CUX2: variants seen among roughly 807,000 people sequenced by gnomAD.
CUX2 encodes cut like homeobox 2.
A neutral mutation model predicts 144.8 loss-of-function variants in CUX2; 40 were observed. The observed-to-expected ratio is 0.28, with a 90% CI of 0.21 to 0.36. The LOEUF (loss-of-function observed/expected upper bound fraction) is 0.36. Ranked by LOEUF, CUX2 falls within the 10% of genes least tolerant of loss-of-function variation. The probability of loss-of-function intolerance (pLI) is 1.00; values close to 1 mark genes in which losing one functional copy is unlikely to be tolerated. For missense variants in CUX2, 1,615 were observed against 1,994.0 expected, an observed-to-expected ratio of 0.81 and a Z score of 3.62; for synonymous variants, 827 against 875.6, an observed-to-expected ratio of 0.94 and a Z score of 0.98.
intron 1 of CUX2, among the ~76,000 whole-genome samples, chr12:111,157,290 T>C (rs939255835): frequency 6.7e-6 from 1 of 149,572 alleles, no homozygotes; most frequent in Non-Finnish European, 1.5e-5. Flanking sequence ...TCTATAAACA[T>C]TTTGGAGCAC....
intron 21 of CUX2, 85 bp from the exon 22 acceptor site, chr12:111,347,439 G>A: frequency 1.5e-6 from 2 of 1,329,624 alleles, no homozygotes; most frequent in Non-Finnish European, 2.0e-6. Flanking sequence ...GCAGTGGGTG[G>A]GACCAAAATG....
intron 1 of CUX2, among the ~76,000 whole-genome samples, chr12:111,182,212 G>A (rs1400375110): frequency 2.0e-5 from 3 of 152,148 alleles, no homozygotes; most frequent in Non-Finnish European, 2.9e-5. Flanking sequence ...CTAGAGACAT[G>A]CCCCCATCCT....
At position 111,320,606 on chromosome 12, in the gene CUX2, C is replaced by T. The variant is rs562432690; in HGVS notation, c.2597C>T (p.Pro866Leu). The change falls in exon 17 of 22, where the codon CCC (proline) becomes CTC (leucine). Residue 866 changes from proline (P) to leucine (L), a missense_variant. Coordinates refer to ENST00000261726, the MANE Select transcript of CUX2 (RefSeq NM_015267.4). This position sits in a 1 kb window ranked among gnomAD's most constrained non-coding sequence, Gnocchi z 8.1. ...GATAEAGARL[P>L]YYPAYVPRTL... ...ACGGCCGAGGCGGGCGCGCGGCTGC[C>T]CTACTACCCGGCCTACGTGCCGCGC... 1.7e-5 allele frequency: 26 copies of T among 1,561,792 alleles called. No individual in the cohort carries two copies. The African/African-American group carries it at 2.8e-4, about 17-fold the overall frequency.
intron 1 of CUX2, among the ~76,000 whole-genome samples, chr12:111,092,216 T>G (rs927896589): frequency 6.6e-6 from 1 of 152,124 alleles, no homozygotes; most frequent in African/African-American, 2.4e-5. Flanking sequence ...AGAGAGAGGG[T>G]GTGCGAATGT....
At chr12:111,169,107 A>G (rs946078962) in intron 1 of CUX2, among the ~76,000 whole-genome samples, 1 of 152,206 alleles carries the variant, frequency 6.6e-6, no homozygotes, top group African/African-American at 2.4e-5. Context: ...AGGCCATACT[A>G]GAGTAGGGTG....
At chr12:111,285,237 G>T (rs538752683) in intron 4 of CUX2, among the ~76,000 whole-genome samples, 1 of 152,166 alleles carries the variant, frequency 6.6e-6, no homozygotes, top group Non-Finnish European at 1.5e-5. Context: ...TATCAGGCAC[G>T]AAAGGAATTT....
chr12:111,322,947 C>A lies in CUX2; in HGVS notation c.2926+367C>A, dbSNP rs1417951451. Among the ~76,000 whole-genome samples the A allele has an allele frequency of 2.0e-5, 3 of 152,214 alleles. No homozygotes were observed. The highest frequency in any genetic ancestry group is 4.4e-5 in the Non-Finnish European group (3 of 68,048). ...TCAGCTCTGTTTCCTGAAGACCTAG[C>A]GTGCAGCCTCAGACTCCTTCTTAGC... On this transcript the variant is annotated intron_variant, in intron 18 of 21. Transcript: ENST00000261726. The surrounding 1 kb of genome is among the most constrained non-coding windows in gnomAD (Gnocchi z 4.2).
At chr12:111,297,708 T>C (rs1481955372) in intron 8 of CUX2, among the ~76,000 whole-genome samples, 1 of 152,210 alleles carries the variant, frequency 6.6e-6, no homozygotes, top group Non-Finnish European at 1.5e-5. Flanking sequence ...TCTGGGTCCT[T>C]GGAGGAAACA....
intron 1 of CUX2, among the ~76,000 whole-genome samples, chr12:111,121,201 T>C (rs1874641983): frequency 2.0e-5 from 3 of 151,642 alleles, no homozygotes; most frequent in Non-Finnish European, 2.9e-5. Context: ...ATTAATAATA[T>C]AGTCCTCGCT....
chr12:111,309,984 T>C, intron 14 of CUX2, 57 bp from the exon 15 acceptor site: 1 of 1,264,466 alleles, frequency 7.9e-7, no homozygotes, highest in Non-Finnish European at 1.0e-6. Context: ...TGTCTCTCTC[T>C]CCCCTCATCA....
rs150094837 is a variant in CUX2 at position 111,100,292 on chromosome 12, C to T, written c.63+66052C>T. On this transcript the variant is annotated intron_variant, in intron 1 of 21. Coordinates refer to ENST00000261726, the MANE Select transcript of CUX2 (RefSeq NM_015267.4). ...GTGTCCAGCTCGATGTATGCGTGGC[C>T]TGTGTGGCTCTCCGTGTGTCTTTCT... Among the ~76,000 whole-genome samples the T allele has an allele frequency of 2.0e-5, 3 of 152,116 alleles. No individual in the cohort carries two copies. The East Asian group carries it at 5.8e-4, about 29-fold the overall frequency.
At chr12:111,317,088 G>C (rs975175811) in intron 16 of CUX2, among the ~76,000 whole-genome samples, 2 of 152,150 alleles carry the variant, frequency 1.3e-5, no homozygotes, top group Admixed American at 1.3e-4. Flanking sequence ...ACAAAATAAT[G>C]TTCCATTGCT....
At chr12:111,051,215 A>G (rs1355691731) in intron 1 of CUX2, among the ~76,000 whole-genome samples, 3 of 152,192 alleles carry the variant, frequency 2.0e-5, no homozygotes, top group Admixed American at 2.0e-4. Context: ...CTAACCTTCC[A>G]TGCTCAGCAT....
intron 3 of CUX2, among the ~76,000 whole-genome samples, chr12:111,248,923 C>T (rs1883413925): frequency 6.6e-6 from 1 of 152,226 alleles, no homozygotes; most frequent in Non-Finnish European, 1.5e-5. Context: ...AATTTACATA[C>T]AGTAAAATGC....
chr12:111,051,511 G>C (rs77923033), intron 1 of CUX2, among the ~76,000 whole-genome samples: 2,118 of 147,510 alleles, frequency 0.014, 50 homozygotes, highest in African/African-American at 0.049. Context: ...TTTTTGTTTT[G>C]TTTTAGAGTC....
intron 1 of CUX2, among the ~76,000 whole-genome samples, chr12:111,069,107 A>T (rs1340917218): frequency 6.6e-6 from 1 of 152,176 alleles, no homozygotes; most frequent in Non-Finnish European, 1.5e-5. Flanking sequence ...TCGGTCTAAA[A>T]GAAAGAAAAA....
At chr12:111,082,723 G>A (rs1191267095) in intron 1 of CUX2, among the ~76,000 whole-genome samples, 1 of 152,190 alleles carries the variant, frequency 6.6e-6, no homozygotes, top group Non-Finnish European at 1.5e-5. Flanking sequence ...GGAGGTGGAG[G>A]AGGCAGGTGC....
At position 111,338,291 on chromosome 12, in the gene CUX2, C is replaced by A. The variant is rs776634251; in HGVS notation, c.3202C>A (p.Arg1068=). 1.1e-5 allele frequency: 17 copies of A among 1,606,954 alleles called. No homozygotes were observed. The highest frequency in any genetic ancestry group is 1.4e-5 in the Non-Finnish European group (16 of 1,176,298). ...CTCCCCTCCCCTATCCCCAGGGCAG[C>A]GGCTGTTTGGGGAAAGCATCCTGGG... ...EVLTDNNLGQ[R]LFGESILGLT... Residue 1068 remains arginine, a synonymous_variant, in exon 20 of 22, where the codon CGG becomes AGG. Coordinates refer to ENST00000261726, the MANE Select transcript of CUX2 (RefSeq NM_015267.4).
rs1869357574 is a variant in CUX2, at chr12:111,035,015, C to A, written c.63+775C>A. Among the ~76,000 whole-genome samples the A allele has an allele frequency of 6.6e-6, 1 of 152,048 alleles. No homozygotes were observed. The highest frequency in any genetic ancestry group is 2.1e-4 in the South Asian group (1 of 4,834). ...CTTCCCAAGTCTAGATGCAGACGGG[C>A]GGTGGAGGTGGGCCCGGGCGCTCGC... On this transcript the variant is annotated intron_variant, in intron 1 of 21. Transcript: ENST00000261726. The surrounding 1 kb of genome is among the most constrained non-coding windows in gnomAD (Gnocchi z 6.0).
Sources: allele counts gnomAD v4.1 joint callset (sites outside exome capture counted in the v4.1 genomes callset), GRCh38; gene constraint gnomAD v4.1.1; non-coding constraint Gnocchi (gnomAD v3.1); transcripts MANE v1.5; gene names NCBI Gene and HGNC (gene_info 2026-07-23, HGNC 2026-07-21).